The following ZNF521 variants were observed in gnomAD, a reference collection of about 807,000 sequenced individuals.
The protein encoded by ZNF521 is LYST-interacting protein 3.
In ZNF521, 14 loss-of-function variants were observed where a neutral mutation model predicts 105.5. The observed-to-expected ratio is 0.13, with a 90% CI of 0.09 to 0.21. ZNF521 has a LOEUF of 0.21. ZNF521 is among the 10% of genes least tolerant of loss of function. The probability of loss-of-function intolerance (pLI) is 1.00; values close to 1 mark genes in which losing one functional copy is unlikely to be tolerated. For missense variants in ZNF521, 1,233 were observed against 1,629.7 expected (o/e 0.76, Z 4.19); for synonymous variants, 635 against 606.0 (o/e 1.05, Z -0.70).
At chr18:25,291,161 G>A (rs996962609) in intron 3 of ZNF521, among the ~76,000 whole-genome samples, 3 of 152,256 alleles carry the variant, frequency 2.0e-5, no homozygotes, top group African/African-American at 4.8e-5. Context: ...TCTTTCACAT[G>A]TGGCCATAAA....
At chr18:25,098,273 G>A (rs1048944930) in intron 5 of ZNF521, among the ~76,000 whole-genome samples, 2 of 152,100 alleles carry the variant, frequency 1.3e-5, no homozygotes, top group African/African-American at 4.8e-5. Context: ...GTAGGGAATG[G>A]GGATAAGCAC....
intron 5 of ZNF521, among the ~76,000 whole-genome samples, chr18:25,113,947 A>G (rs978669577): frequency 7.9e-5 from 12 of 151,996 alleles, no homozygotes; most frequent in African/African-American, 2.9e-4. Context: ...TTCAGTGATA[A>G]GGTAAACAGT....
At chr18:25,205,982 T>C (rs1183253618) in intron 4 of ZNF521, among the ~76,000 whole-genome samples, 1 of 152,026 alleles carries the variant, frequency 6.6e-6, no homozygotes, top group African/African-American at 2.4e-5. Flanking sequence ...GGCTCTGTCT[T>C]ATTCATTTTT....
intron 4 of ZNF521, among the ~76,000 whole-genome samples, chr18:25,222,884 G>T (rs1253808866): frequency 1.3e-5 from 2 of 152,152 alleles, no homozygotes; most frequent in African/African-American, 2.4e-5. Context: ...ATTCTTAGGA[G>T]ATGTCATGAT....
At chr18:25,150,891 C>CAT (rs2035035198) in intron 5 of ZNF521, among the ~76,000 whole-genome samples, 2 of 132,200 alleles carry the variant, frequency 1.5e-5, no homozygotes, top group East Asian at 4.4e-4. Flanking sequence ...TTTCTTTTTT[C>CAT]TTTTTTTTTT....
intron 3 of ZNF521, among the ~76,000 whole-genome samples, chr18:25,299,170 T>C (rs980409191): frequency 1.3e-5 from 2 of 152,226 alleles, no homozygotes; most frequent in Non-Finnish European, 2.9e-5. Flanking sequence ...AAAGTCAGCT[T>C]TCCTTTGCTT....
intron 7 of ZNF521, among the ~76,000 whole-genome samples, chr18:25,084,120 G>A (rs775162825): frequency 6.6e-6 from 1 of 151,606 alleles, no homozygotes; most frequent in Non-Finnish European, 1.5e-5. Context: ...TCTTAATAAT[G>A]GCATGGGGAC....
Position 25,322,535 on chromosome 18 carries a change from CAAA to C in ZNF521, c.41-351_41-349del, listed in dbSNP as rs71902592. Among the ~76,000 whole-genome samples, 201 of 107,330 alleles carry C rather than the reference CAAA, an allele frequency of 1.9e-3. 1 individual carries two copies. The highest frequency in any genetic ancestry group is 3.2e-3 in the Admixed American group (32 of 10,054). The allele number at this position is 107,330 out of a possible 152,430, so 70.4% of individuals were successfully genotyped here. A position where few individuals can be genotyped will look rare whatever the true frequency, so the allele number is the denominator to read the frequency against. On this transcript the variant is annotated intron_variant, in intron 2 of 7. Coordinates refer to ENST00000361524, the MANE Select transcript of ZNF521 (RefSeq NM_015461.3). ...TTTTAAAATTAAACAGTCTCCAATG[CAAA>C]AAAAAAAAAAAAAAACCCCCCCACT...
intron 7 of ZNF521, among the ~76,000 whole-genome samples, chr18:25,064,255 A>G (rs1017058062): frequency 6.6e-6 from 1 of 152,126 alleles, no homozygotes; most frequent in African/African-American, 2.4e-5. Flanking sequence ...CAAGCAGTCT[A>G]TTAGAAAAGA....
At chr18:25,239,792 G>A (rs745900739) in intron 3 of ZNF521, among the ~76,000 whole-genome samples, 3 of 152,154 alleles carry the variant, frequency 2.0e-5, no homozygotes, top group Non-Finnish European at 4.4e-5. Context: ...GAGGGGGGAG[G>A]AGAAGGAGGG....
In ZNF521 at chr18:25,167,664, A is replaced by G. The variant is rs552493571; in HGVS notation, c.3658+27496T>C. ...TTCATGCCAACACTGTTGCATGAGTATTCTAGCTACCATTAAGCAGGCATT... is the reference window on the plus strand; with the variant it reads ...TTCATGCCAACACTGTTGCATGAGTGTTCTAGCTACCATTAAGCAGGCATT... On this transcript the variant is annotated intron_variant, in intron 5 of 7. Coordinates refer to ENST00000361524, the MANE Select transcript of ZNF521 (RefSeq NM_015461.3). Among the ~76,000 whole-genome samples, 9 of 152,296 alleles carry G rather than the reference A, an allele frequency of 5.9e-5. No individual in the cohort carries two copies. The South Asian group carries it at 1.9e-3, about 32-fold the overall frequency.
intron 5 of ZNF521, among the ~76,000 whole-genome samples, chr18:25,132,533 C>T (rs2144400016): frequency 6.6e-6 from 1 of 152,108 alleles, no homozygotes; most frequent in Non-Finnish European, 1.5e-5. Flanking sequence ...TTTTTAATGT[C>T]ATTTACATTA....
chr18:25,133,806 T>C (rs2144404625), intron 5 of ZNF521, among the ~76,000 whole-genome samples: 1 of 152,250 alleles, frequency 6.6e-6, no homozygotes, highest in South Asian at 2.1e-4. Flanking sequence ...TCTCTTTTTT[T>C]TTAATGTTTT....
chr18:25,100,209 G>A (rs910165795), intron 5 of ZNF521, among the ~76,000 whole-genome samples: 5 of 151,644 alleles, frequency 3.3e-5, no homozygotes, highest in Admixed American at 6.6e-5. Flanking sequence ...GCTTGCTACT[G>A]CTGATGATTT....
intron 5 of ZNF521, among the ~76,000 whole-genome samples, chr18:25,104,118 T>C (rs1015109851): frequency 6.6e-6 from 1 of 152,196 alleles, no homozygotes; most frequent in Non-Finnish European, 1.5e-5. Flanking sequence ...TTTCTAAGTC[T>C]ATAATGTCAA....
intron 6 of ZNF521, among the ~76,000 whole-genome samples, chr18:25,090,441 T>A (rs2033718948): frequency 6.6e-6 from 1 of 152,208 alleles, no homozygotes; most frequent in African/African-American, 2.4e-5. Flanking sequence ...TTCTTGTGAG[T>A]CATACATTTT....
intron 3 of ZNF521, among the ~76,000 whole-genome samples, chr18:25,318,147 A>G (rs1912742390): frequency 6.6e-6 from 1 of 152,200 alleles, no homozygotes; most frequent in African/African-American, 2.4e-5. Context: ...AAAACACACT[A>G]CTTATATACA....
intron 5 of ZNF521, among the ~76,000 whole-genome samples, chr18:25,123,341 A>C (rs2034480940): frequency 6.6e-6 from 1 of 152,156 alleles, no homozygotes; most frequent in Middle Eastern, 3.2e-3. Context: ...CTCAGTTTAA[A>C]AGAAAACACA....
intron 5 of ZNF521, among the ~76,000 whole-genome samples, chr18:25,133,949 AT>A (rs1398657064): frequency 1.3e-5 from 2 of 152,158 alleles, no homozygotes; most frequent in Non-Finnish European, 2.9e-5. Flanking sequence ...CTAGGGCTGA[AT>A]TTTAACAGGA....
Sources: gnomAD v4.1 joint callset for allele counts (sites outside exome capture counted in the v4.1 genomes callset) on GRCh38, gnomAD v4.1.1 for gene constraint, MANE v1.5 for transcripts, NCBI Gene and HGNC (gene_info 2026-07-23, HGNC 2026-07-21) for gene names.